CCDC3: variants seen among roughly 807,000 people sequenced by gnomAD.
CCDC3 encodes the protein coiled-coil domain-containing protein 3.
CCDC3 carries 24 observed loss-of-function variants against 21.4 expected under a neutral mutation model. That is an observed-to-expected ratio of 1.12 (90% confidence interval 0.81 to 1.58). The LOEUF is 1.58. Among genes scored for constraint, CCDC3 ranks in the 40% most tolerant of loss-of-function variants. The probability of loss-of-function intolerance (pLI) is 0.00; values close to 1 mark genes in which losing one functional copy is unlikely to be tolerated. For missense variants in CCDC3, 425 were observed against 360.9 expected (o/e 1.18, Z -1.44); for synonymous variants, 186 against 166.0 (o/e 1.12, Z -0.93).
In CCDC3 at chr10:12,974,802, C is replaced by T. The variant is rs1835391629; in HGVS notation, c.549+23536G>A. ...CAGCCACAGACAAAGGTTTCATCAC[C>T]AGATTTGGATCGCCTTTGGATTTCA... On this transcript the variant is annotated intron_variant, in intron 2 of 2. Coordinates refer to ENST00000378825, the MANE Select transcript of CCDC3 (RefSeq NM_031455.4). 2.0e-5 allele frequency among the ~76,000 whole-genome samples: 3 copies of T among 152,210 alleles called. No homozygotes were observed. In the South Asian group the frequency reaches 6.2e-4, roughly 32 times the overall value.
chr10:13,043,054 A>C (rs61853184), intron 5 of CCDC3, among the ~76,000 whole-genome samples: 37,397 of 152,058 alleles, frequency 0.25, 5,164 homozygotes, highest in East Asian at 0.47. Context: ...TTTAAAAGGA[A>C]AACTTTTAAA....
intron 2 of CCDC3, among the ~76,000 whole-genome samples, chr10:12,965,194 T>G (rs1278495184): frequency 6.6e-6 from 1 of 152,106 alleles, no homozygotes; most frequent in Non-Finnish European, 1.5e-5. Context: ...CTCCCTGCTT[T>G]CCCCAAAAAG....
intron 2 of CCDC3, among the ~76,000 whole-genome samples, chr10:12,956,537 A>G (rs1835088657): frequency 6.6e-6 from 1 of 152,184 alleles, no homozygotes; most frequent in Non-Finnish European, 1.5e-5. Flanking sequence ...CAGGGGATGA[A>G]GCTTAATGAG....
intron 5 of CCDC3, among the ~76,000 whole-genome samples, chr10:13,027,952 G>A (rs1481635194): frequency 6.6e-6 from 1 of 152,154 alleles, no homozygotes; most frequent in Non-Finnish European, 1.5e-5. Flanking sequence ...TGGAAACCAA[G>A]ATTGATGCTC....
intron 2 of CCDC3, among the ~76,000 whole-genome samples, chr10:12,942,415 C>A (rs1252074527): frequency 6.6e-6 from 1 of 152,162 alleles, no homozygotes; most frequent in Non-Finnish European, 1.5e-5. Flanking sequence ...GCTCCAAAGT[C>A]ATTTCTTTTC....
At chr10:13,049,615 T>A (rs1302677023) in intron 5 of CCDC3, 7 of 152,192 alleles carry the variant, frequency 4.6e-5, no homozygotes, top group African/African-American at 1.7e-4. Context: ...AGAATTATAT[T>A]TTTTTAAACG....
At position 13,001,489 on chromosome 10, in the gene CCDC3, AC is replaced by A. The variant is rs1835854040; in HGVS notation, c.81del (p.Glu27AspfsTer5). 1.5e-6 allele frequency: 2 copies of A among 1,360,722 alleles called. No individual in the cohort carries two copies. Among genetic ancestry groups the A allele is most frequent in the Non-Finnish European group, 1.9e-6 (2 of 1,058,852 alleles). The allele number at this position is 1,360,722 out of a possible 1,614,324, so 84.3% of individuals were successfully genotyped here. A position where few individuals can be genotyped will look rare whatever the true frequency, so the allele number is the denominator to read the frequency against. ...CGGCAGCCCTCGCTCAGGGGCCTCCACTCGGAGGGCAGCTGGCAGGCGCGCG... is the reference window on the plus strand; with the variant it reads ...CGGCAGCCCTCGCTCAGGGGCCTCCATCGGAGGGCAGCTGGCAGGCGCGCG... ...APARACQLPS[E>X]WRPLSEGCRA... On this transcript the variant is annotated frameshift_variant, in exon 1 of 3. Coordinates refer to ENST00000378825, the MANE Select transcript of CCDC3 (RefSeq NM_031455.4). LOFTEE classifies it high-confidence loss of function.
At chr10:13,029,941 C>T (rs984653807) in intron 5 of CCDC3, among the ~76,000 whole-genome samples, 10 of 152,140 alleles carry the variant, frequency 6.6e-5, no homozygotes, top group African/African-American at 2.4e-4. Context: ...AGGAGAACTT[C>T]CCCAACCTAG....
chr10:13,012,000 G>A (rs1835989368), intron 5 of CCDC3, among the ~76,000 whole-genome samples: 2 of 151,686 alleles, frequency 1.3e-5, no homozygotes, highest in Admixed American at 1.3e-4. Context: ...GCAATACGTG[G>A]AAGATTGAAA....
chr10:12,987,465 A>T (rs1268519284), intron 2 of CCDC3, among the ~76,000 whole-genome samples: 1 of 152,204 alleles, frequency 6.6e-6, no homozygotes, highest in Non-Finnish European at 1.5e-5. Context: ...AATTATCATT[A>T]CAGTGATATG....
In CCDC3 at chr10:12,898,446, C is replaced by G; in HGVS notation, c.783G>C (p.Gly261=). 6.2e-7 allele frequency: 1 copy of G among 1,607,252 alleles called. No individual in the cohort carries two copies. The highest frequency in any genetic ancestry group is 8.5e-7 in the Non-Finnish European group (1 of 1,175,926). Residue 261 remains glycine (G), a synonymous_variant, in exon 3 of 3, where the codon GGG becomes GGC. Transcript: ENST00000378825. Reference sequence around the variant, plus strand: ...CCCGCAGGTAGGGGGGGCGCACGGGCCCCCGGGCATTGATGTGCGGCAGCG... The same window carrying G: ...CCCGCAGGTAGGGGGGGCGCACGGGGCCCCGGGCATTGATGTGCGGCAGCG... ...AGALPHINAR[G]PVRPPYLRG
chr10:12,906,809 C>T (rs1239844051), intron 2 of CCDC3, among the ~76,000 whole-genome samples: 1 of 152,130 alleles, frequency 6.6e-6, no homozygotes. Context: ...GGGTGAAGGA[C>T]ACACAAAGCT....
At chr10:12,948,071 C>T (rs117763668) in intron 2 of CCDC3, among the ~76,000 whole-genome samples, 6,272 of 152,260 alleles carry the variant, frequency 0.041, 159 homozygotes, top group Non-Finnish European at 0.064. Flanking sequence ...TTGTAATAAT[C>T]CCCATGGGTT....
At chr10:13,070,206 G>T (rs1447798509) in intron 4 of CCDC3, among the ~76,000 whole-genome samples, 2 of 152,216 alleles carry the variant, frequency 1.3e-5, no homozygotes, top group East Asian at 1.9e-4. Context: ...ATTGAGTAAG[G>T]TATACTCCTG....
intron 2 of CCDC3, among the ~76,000 whole-genome samples, chr10:12,919,907 G>A (rs1458397679): frequency 6.6e-6 from 1 of 152,150 alleles, no homozygotes; most frequent in African/African-American, 2.4e-5. Context: ...TTTGACCAGG[G>A]ATGGGCAGTG....
At chr10:13,057,944 G>A in intron 4 of CCDC3, 1 of 597,442 alleles carries the variant, frequency 1.7e-6, no homozygotes, top group Admixed American at 2.4e-5. Flanking sequence ...TCATATAGCA[G>A]CATGAGCTTT....
chr10:12,949,907 G>A (rs1360664910), intron 2 of CCDC3, among the ~76,000 whole-genome samples: 2 of 152,192 alleles, frequency 1.3e-5, no homozygotes, highest in Non-Finnish European at 2.9e-5. Context: ...TTTGGTGACC[G>A]TGTAGACCCA....
intron 2 of CCDC3, among the ~76,000 whole-genome samples, chr10:12,970,959 C>T (rs1835333591): frequency 6.6e-6 from 1 of 152,086 alleles, no homozygotes; most frequent in Non-Finnish European, 1.5e-5. Context: ...CAAAGTTTGG[C>T]CTATCATTAA....
At chr10:12,912,692 C>G (rs535507198) in intron 2 of CCDC3, among the ~76,000 whole-genome samples, 1 of 152,274 alleles carries the variant, frequency 6.6e-6, no homozygotes, top group East Asian at 1.9e-4. Flanking sequence ...ATTGCCCAGA[C>G]CAATGTCATG....
Sources: gnomAD v4.1 joint callset for allele counts (sites outside exome capture counted in the v4.1 genomes callset) on GRCh38, gnomAD v4.1.1 for gene constraint, MANE v1.5 for transcripts, NCBI Gene and HGNC (gene_info 2026-07-23, HGNC 2026-07-21) for gene names.